Variants in SPCS1 observed in about 807,000 individuals in gnomAD.
SPCS1 encodes SPase 12 kDa subunit.
In SPCS1, 10 loss-of-function variants were observed where a neutral mutation model predicts 16.4. That is an observed-to-expected ratio of 0.61 (90% confidence interval 0.38 to 1.03). SPCS1 has a LOEUF of 1.03. SPCS1 is among the 50% of genes least tolerant of loss of function. The pLI, the probability that SPCS1 is intolerant of heterozygous loss-of-function variation, is 0.01. For synonymous variants in SPCS1, 47 were observed against 42.5 expected, an observed-to-expected ratio of 1.10 and a Z score of -0.41; for missense variants, 118 against 123.8, an observed-to-expected ratio of 0.95 and a Z score of 0.22.
rs1306504859 is a variant in SPCS1, at chr3:52,709,296, AGAT to A, written c.*1487_*1489del. The stretch of plus-strand genomic sequence containing the variant: ...TTCGGAAGAAAATTCACAGTCTTAA[AGAT>A]GAGTTTTTAAATTAATTTAGGAAGA... On this transcript the variant is annotated 3_prime_UTR_variant, in exon 4 of 4. Transcript: ENST00000619898. 1 of 152,230 alleles carries A rather than the reference AGAT, an allele frequency of 6.6e-6. No homozygotes were observed. Among genetic ancestry groups the A allele is most frequent in the African/African-American group, 2.4e-5 (1 of 41,462 alleles). 9.4% of individuals were successfully genotyped at this position (152,230 alleles called of 1,614,324 possible). A position where few individuals can be genotyped will look rare whatever the true frequency, so the allele number is the denominator to read the frequency against.
chr3:52,707,431 C>G (rs538588274), intron 3 of SPCS1: 1 of 342,646 alleles, frequency 2.9e-6, no homozygotes, highest in East Asian at 5.5e-5. Context: ...GCTTGGATTA[C>G]AGGCGAGAGC....
rs2097347348 is a variant in SPCS1 at position 52,708,760 on chromosome 3, G to T, written c.*948G>T. On this transcript the variant is annotated 3_prime_UTR_variant, in exon 4 of 4. Coordinates refer to ENST00000619898, the MANE Select transcript of SPCS1 (RefSeq NM_014041.5). ...ACAAAGCAACAGGAAAAAAAAAACT[G>T]CAAGCAGTAAAGGTTGTGCAGGTGA... is the stretch of plus-strand genomic sequence containing the variant. The T allele has an allele frequency of 6.6e-6, 1 of 152,088 alleles. No individual in the cohort carries two copies. Among genetic ancestry groups the T allele is most frequent in the Non-Finnish European group, 1.5e-5 (1 of 68,020 alleles). The allele number at this position is 152,088 out of a possible 1,614,324, so 9.4% of individuals were successfully genotyped here. A position where few individuals can be genotyped will look rare whatever the true frequency, so the allele number is the denominator to read the frequency against.
rs2097346492 is a variant in SPCS1 at position 52,708,151 on chromosome 3, T to G, written c.*339T>G. 1 of 170,114 alleles carries G rather than the reference T, an allele frequency of 5.9e-6. No individual in the cohort carries two copies. Among genetic ancestry groups the G allele is most frequent in the African/African-American group, 2.4e-5 (1 of 41,892 alleles). 10.5% of individuals were successfully genotyped at this position (170,114 alleles called of 1,614,324 possible). On this transcript the variant is annotated 3_prime_UTR_variant, in exon 4 of 4. Transcript: ENST00000619898. ...GAGTTAACCATTTTAATGTTTCCAA[T>G]TAAACCTCATAGTGCAAGTTCTTTG...
rs2097348751 is a variant in SPCS1, at chr3:52,709,962, G to A, written c.*2150G>A. The A allele has an allele frequency of 6.6e-6, 1 of 152,156 alleles. No individual in the cohort carries two copies. Among genetic ancestry groups the A allele is most frequent in the Non-Finnish European group, 1.5e-5 (1 of 68,034 alleles). 9.4% of individuals were successfully genotyped at this position (152,156 alleles called of 1,614,324 possible). A position where few individuals can be genotyped will look rare whatever the true frequency, so the allele number is the denominator to read the frequency against. ...TTCAAAGTGAAAATAAGAGTTATCA[G>A]AAACCAGGCTGTGAGCACTGTAAAA... On this transcript the variant is annotated 3_prime_UTR_variant, in exon 4 of 4. Coordinates refer to ENST00000619898, the MANE Select transcript of SPCS1 (RefSeq NM_014041.5).
chr3:52,706,361 G>C (rs1307984184), intron 1 of SPCS1, 79 bp downstream of exon 1: 1 of 1,457,742 alleles, frequency 6.9e-7, no homozygotes, highest in Non-Finnish European at 9.3e-7. Flanking sequence ...GCACCGACCC[G>C]GTGCTGCGCT....
chr3:52,706,375 C>G, intron 1 of SPCS1, 93 bp downstream of exon 1: 3 of 1,372,972 alleles, frequency 2.2e-6, no homozygotes, highest in Non-Finnish European at 3.0e-6. Context: ...CTGCGCTGTT[C>G]CGGGCCCGGA....
At chr3:52,707,225 A>C in intron 3 of SPCS1, 1 of 227,368 alleles carries the variant, frequency 4.4e-6, no homozygotes, top group Non-Finnish European at 8.7e-6. Flanking sequence ...GCTGCAGTGC[A>C]CTGGGGCGAT....
Position 52,707,899 on chromosome 3 carries a change from T to C in SPCS1, c.*87T>C. ...CCAGATAAGAGCTAAAACCACCTAA[T>C]GCTCTTATGGCACAGCTGTGTATAG... is the stretch of plus-strand genomic sequence containing the variant. On this transcript the variant is annotated 3_prime_UTR_variant, in exon 4 of 4. Transcript: ENST00000619898. 1.3e-6 allele frequency: 2 copies of C among 1,490,544 alleles called. No individual in the cohort carries two copies. The highest frequency in any genetic ancestry group is 2.3e-5 in the South Asian group (2 of 86,540). 92.3% of individuals were successfully genotyped at this position (1,490,544 alleles called of 1,614,324 possible). A position where few individuals can be genotyped will look rare whatever the true frequency, so the allele number is the denominator to read the frequency against.
At position 52,707,744 on chromosome 3, in the gene SPCS1, C is replaced by A; in HGVS notation, c.241C>A (p.Gln81Lys). The change falls in exon 4 of 4, where the codon CAA becomes AAA. Residue 81 changes from glutamine to lysine, a missense_variant. By Grantham distance (53) the Gln-to-Lys change is moderately conservative (BLOSUM62 1). Coordinates refer to ENST00000619898, the MANE Select transcript of SPCS1 (RefSeq NM_014041.5). ...GCATCCTCTCAAGTGGTTACCTGTT[C>A]AAGAATCAAGCACAGACGACAAGAA... Reference protein sequence around the residue: ...RRHPLKWLPVQESSTDDKKPG... With the variant: ...RRHPLKWLPVKESSTDDKKPG... 8 of 1,613,980 alleles carry A rather than the reference C, an allele frequency of 5.0e-6. No homozygotes were observed. In the South Asian group the frequency reaches 8.8e-5, roughly 18 times the overall value.
chr3:52,707,508 CCAT>C lies in SPCS1; in HGVS notation c.184-172_184-170del, dbSNP rs1332935360. 11 of 615,756 alleles carry C rather than the reference CCAT, an allele frequency of 1.8e-5. No homozygotes were observed. In the African/African-American group the frequency reaches 1.9e-4, roughly 10 times the overall value. 38.1% of individuals were successfully genotyped at this position (615,756 alleles called of 1,614,324 possible). On this transcript the variant is annotated intron_variant, in intron 3 of 3. Transcript: ENST00000619898. ...ATTTGTATAGGCAGTGAGCCTGTTC[CCAT>C]CATCATACAGTATTTTGCATGGATG...
intron 1 of SPCS1, 127 bp downstream of exon 1, chr3:52,706,409 C>G: frequency 1.9e-6 from 2 of 1,057,100 alleles, no homozygotes; most frequent in Admixed American, 2.7e-5. Flanking sequence ...CCCTCTTTCC[C>G]GAATTGCCTC....
At chr3:52,707,397 C>G (rs1258781612) in intron 3 of SPCS1, 1 of 278,718 alleles carries the variant, frequency 3.6e-6, no homozygotes, top group Non-Finnish European at 6.8e-6. Flanking sequence ...CTCAAGCAAT[C>G]CGCCCACCTT....
intron 2 of SPCS1, 40 bp from the exon 3 acceptor site, chr3:52,706,753 C>T (rs780738261): frequency 6.2e-7 from 1 of 1,610,180 alleles, no homozygotes; most frequent in South Asian, 1.1e-5. Flanking sequence ...CCTCCCAACC[C>T]TCAGTTTGAG....
At position 52,706,703 on chromosome 3, in the gene SPCS1, A is replaced by G; in HGVS notation, c.96A>G (p.Ala32=). 1.2e-6 allele frequency: 2 copies of G among 1,613,710 alleles called. No individual in the cohort carries two copies. Among genetic ancestry groups the G allele is most frequent in the East Asian group, 2.2e-5 (1 of 44,864 alleles). The change falls in exon 2 of 4, where the codon GCA becomes GCG. Residue 32 remains alanine, a splice_region_variant and synonymous_variant. Coordinates refer to ENST00000619898, the MANE Select transcript of SPCS1 (RefSeq NM_014041.5). ...TTCAGGGAATTATTCTTTTTTCTGC[A>G]GTAAGTATTGGTTTTACATTTAATC... ...QMFQGIILFS[A]IVGFIYGYVA... is the part of the protein sequence containing the mutation.
chr3:52,710,364 TAA>T lies in SPCS1; in HGVS notation c.*2566_*2567del, dbSNP rs56359883. 2.8e-3 allele frequency: 415 copies of T among 145,786 alleles called. No individual in the cohort carries two copies. Among genetic ancestry groups the T allele is most frequent in the Admixed American group, 2.9e-3 (42 of 14,686 alleles). The allele number at this position is 145,786 out of a possible 1,614,324, so 9.0% of individuals were successfully genotyped here. A position where few individuals can be genotyped will look rare whatever the true frequency, so the allele number is the denominator to read the frequency against. On this transcript the variant is annotated 3_prime_UTR_variant, in exon 4 of 4. Transcript: ENST00000619898. ...TGGGTGACAGAGCAAGACTGTGTCT[TAA>T]AAAAAAAAAAAAATTGTTAAGTGGC...
rs2097348233 is a variant in SPCS1, at chr3:52,709,498, G to GT, written c.*1689dup. ...GATGCAGGAGGACTGCTTGAATGCA[G>GT]TTTGAGACCAGCCTGGGCAACACAG... On this transcript the variant is annotated 3_prime_UTR_variant, in exon 4 of 4. Coordinates refer to ENST00000619898, the MANE Select transcript of SPCS1 (RefSeq NM_014041.5). The GT allele has an allele frequency of 6.6e-6, 1 of 151,326 alleles. No individual in the cohort carries two copies. The highest frequency in any genetic ancestry group is 2.4e-5 in the African/African-American group (1 of 41,144). The allele number at this position is 151,326 out of a possible 1,614,324, so 9.4% of individuals were successfully genotyped here.
intron 3 of SPCS1, 131 bp from the exon 4 acceptor site, chr3:52,707,556 G>A: frequency 1.1e-6 from 1 of 908,240 alleles, no homozygotes; most frequent in Non-Finnish European, 1.6e-6. Context: ...AGCCTTTATA[G>A]GAATATGGAT....
At chr3:52,706,429 C>T in intron 1 of SPCS1, 147 bp downstream of exon 1, 1 of 922,068 alleles carries the variant, frequency 1.1e-6, no homozygotes, top group Non-Finnish European at 1.6e-6. Flanking sequence ...CCTGGGTCCC[C>T]TTCTCTTCTA....
At position 52,706,813 on chromosome 3, in the gene SPCS1, G is replaced by C; in HGVS notation, c.117G>C (p.Gly39=). The C allele has an allele frequency of 6.2e-7, 1 of 1,614,030 alleles. No homozygotes were observed. Among genetic ancestry groups the C allele is most frequent in the Non-Finnish European group, 8.5e-7 (1 of 1,179,924 alleles). The change falls in exon 3 of 4, where the codon GGG becomes GGC. Residue 39 remains glycine, a synonymous_variant. Coordinates refer to ENST00000619898, the MANE Select transcript of SPCS1 (RefSeq NM_014041.5). Reference sequence around the variant, plus strand: ...TCTAGATAGTTGGATTTATCTACGGGTACGTGGCTGAACAGTTCGGGTGGA... The same window carrying C: ...TCTAGATAGTTGGATTTATCTACGGCTACGTGGCTGAACAGTTCGGGTGGA... ...LFSAIVGFIY[G]YVAEQFGWTV...
Sources: allele counts gnomAD v4.1 joint callset, GRCh38; gene constraint gnomAD v4.1.1; transcripts MANE v1.5; gene names NCBI Gene and HGNC (gene_info 2026-07-23, HGNC 2026-07-21).